The following MYO10 variants were observed in gnomAD, a reference collection of about 807,000 sequenced individuals.
MYO10 encodes the protein unconventional myosin-X.
Under a neutral mutation model 257.3 loss-of-function variants are expected in MYO10, and 133 were observed. The observed-to-expected ratio is 0.52, with a 90% CI of 0.45 to 0.60. The LOEUF is 0.60. Ranked by LOEUF, MYO10 falls within the 20% of genes least tolerant of loss-of-function variation. MYO10 has a pLI of 0.00. For synonymous variants in MYO10, 1,104 were observed against 1,028.6 expected, an observed-to-expected ratio of 1.07 and a Z score of -1.40; for missense variants, 2,399 against 2,635.7, an observed-to-expected ratio of 0.91 and a Z score of 1.97.
At chr5:16,695,487 T>C (rs1205507329) in intron 26 of MYO10, among the ~76,000 whole-genome samples, 4 of 150,870 alleles carry the variant, frequency 2.7e-5, no homozygotes, top group Non-Finnish European at 5.9e-5. Context: ...AAGAAAAGCA[T>C]CATCTGAAAA....
In MYO10 at chr5:16,789,516, C is replaced by T. The variant is rs56752830; in HGVS notation, c.467+5130G>A. ...TAGGATTCTGTTCTGGAAATACAGA[C>T]TTCACTCATGCCTGTAATCTTAGCA... On this transcript the variant is annotated intron_variant, in intron 4 of 40. Transcript: ENST00000513610. 1.1e-3 allele frequency among the ~76,000 whole-genome samples: 174 copies of T among 152,296 alleles called. 3 individuals are homozygous for T. The East Asian group carries it at 0.022, about 19-fold the overall frequency.
intron 3 of MYO10, among the ~76,000 whole-genome samples, chr5:16,807,041 GTTAT>G (rs1259054138): frequency 1.3e-5 from 2 of 152,184 alleles, no homozygotes; most frequent in Non-Finnish European, 2.9e-5. Flanking sequence ...GGGGAAATGG[GTTAT>G]TTAAAGTCTG....
At chr5:16,757,254 C>A (rs1740556174) in intron 18 of MYO10, among the ~76,000 whole-genome samples, 1 of 149,354 alleles carries the variant, frequency 6.7e-6, no homozygotes, top group African/African-American at 2.5e-5. Flanking sequence ...TACACCACTG[C>A]ACTCCAGTCT....
chr5:16,800,276 G>T (rs1003541917), intron 3 of MYO10, among the ~76,000 whole-genome samples: 1 of 152,006 alleles, frequency 6.6e-6, no homozygotes, highest in Non-Finnish European at 1.5e-5. Context: ...TTAAAATCCC[G>T]GCCAGCTACG....
rs35384200 is a variant in MYO10, at chr5:16,762,968, GAA to G, written c.1495-333_1495-332del. ...GACAGAGTGAGACTCCGTCTCAGGGGAAAAAAAAAAAAAAAAAAAAGTTGAAT... is the reference window on the plus strand; with the variant it reads ...GACAGAGTGAGACTCCGTCTCAGGGGAAAAAAAAAAAAAAAAAAGTTGAAT... On this transcript the variant is annotated intron_variant, in intron 14 of 40. Transcript: ENST00000513610. 9.4e-3 allele frequency among the ~76,000 whole-genome samples: 1,102 copies of G among 117,536 alleles called. 6 individuals are homozygous for G. The highest frequency in any genetic ancestry group is 0.02 in the South Asian group (74 of 3,646). 77.1% of individuals were successfully genotyped at this position (117,536 alleles called of 152,430 possible). A position where few individuals can be genotyped will look rare whatever the true frequency, so the allele number is the denominator to read the frequency against.
Position 16,682,138 on chromosome 5 carries a change from T to C in MYO10, c.4047-125A>G, listed in dbSNP as rs55698501. On this transcript the variant is annotated intron_variant, in intron 30 of 40. Coordinates refer to ENST00000513610, the MANE Select transcript of MYO10 (RefSeq NM_012334.3). Reference sequence around the variant, plus strand: ...TCACGGGATATACACTGCTAGGCTATCTGTGCTTTTATTAAGGCAAACGTT... The same window carrying C: ...TCACGGGATATACACTGCTAGGCTACCTGTGCTTTTATTAAGGCAAACGTT... The C allele has an allele frequency of 4.3e-3, 4,928 of 1,141,938 alleles. 19 individuals carry two copies. Among genetic ancestry groups the C allele is most frequent in the Non-Finnish European group, 5.4e-3 (4,465 of 827,038 alleles). The allele number at this position is 1,141,938 out of a possible 1,614,324, so 70.7% of individuals were successfully genotyped here. A position where few individuals can be genotyped will look rare whatever the true frequency, so the allele number is the denominator to read the frequency against.
At chr5:16,804,892 T>C (rs898651220) in intron 3 of MYO10, among the ~76,000 whole-genome samples, 1 of 151,876 alleles carries the variant, frequency 6.6e-6, no homozygotes, top group Admixed American at 6.6e-5. Flanking sequence ...GCCTGGGTAA[T>C]ACAGTGAGAC....
rs142190790 is a variant in MYO10, at chr5:16,846,635, A to C, written c.121-28468T>G. 9.2e-5 allele frequency among the ~76,000 whole-genome samples: 14 copies of C among 152,324 alleles called. No individual in the cohort carries two copies. The East Asian group carries it at 2.7e-3, about 29-fold the overall frequency. ...GCATGTTTGGTAGCAAAAGGTGGGA[A>C]AGGTCATCATCATCGTTGTGCAGGG... On this transcript the variant is annotated intron_variant, in intron 2 of 40. Transcript: ENST00000513610.
chr5:16,815,585 C>A, intron 3 of MYO10: 1 of 630,176 alleles, frequency 1.6e-6, no homozygotes, highest in African/African-American at 1.8e-5. Flanking sequence ...TACCAGGTGC[C>A]TGGCAGTGTC....
In MYO10 at chr5:16,794,908, G is replaced by A. The variant is rs1219775877; in HGVS notation, c.280-75C>T. ...TGGATGAGCTCCAACAAAACCCACC[G>A]AGTGTGCGCCAGGGGGAAAGACGTC... On this transcript the variant is annotated intron_variant, in intron 3 of 40. Coordinates refer to ENST00000513610, the MANE Select transcript of MYO10 (RefSeq NM_012334.3). 13 of 1,182,584 alleles carry A rather than the reference G, an allele frequency of 1.1e-5. No individual in the cohort carries two copies. The Middle Eastern group carries it at 1.0e-3, about 94-fold the overall frequency. The allele number at this position is 1,182,584 out of a possible 1,614,324, so 73.3% of individuals were successfully genotyped here. A position where few individuals can be genotyped will look rare whatever the true frequency, so the allele number is the denominator to read the frequency against.
chr5:16,778,891 C>T (rs539507962), intron 9 of MYO10, among the ~76,000 whole-genome samples: 9 of 152,028 alleles, frequency 5.9e-5, no homozygotes, highest in South Asian at 4.2e-4. Context: ...GGGGTTTCAC[C>T]GTGTTAGCCA....
intron 1 of MYO10, among the ~76,000 whole-genome samples, chr5:16,930,967 C>G (rs1746278739): frequency 6.6e-6 from 1 of 152,254 alleles, no homozygotes; most frequent in Admixed American, 6.5e-5. Flanking sequence ...ACTGTTGAAA[C>G]TCATGAATAA....
At chr5:16,867,166 C>G (rs995417112) in intron 2 of MYO10, among the ~76,000 whole-genome samples, 1 of 152,212 alleles carries the variant, frequency 6.6e-6, no homozygotes, top group African/African-American at 2.4e-5. Context: ...AAGATTTTTC[C>G]CTTGGCTCAG....
intron 4 of MYO10, among the ~76,000 whole-genome samples, chr5:16,787,609 TAAAA>T (rs70940401): frequency 0.47 from 57,975 of 124,662 alleles, 13,409 homozygotes; most frequent in Non-Finnish European, 0.52. Flanking sequence ...TGTTTTGCTT[TAAAA>T]AAAAAAAAAA....
intron 19 of MYO10, among the ~76,000 whole-genome samples, chr5:16,747,716 A>C (rs1441933907): frequency 6.6e-6 from 1 of 152,106 alleles, no homozygotes; most frequent in Non-Finnish European, 1.5e-5. Context: ...CAGGAGATTG[A>C]GACCAGTCTG....
intron 1 of MYO10, among the ~76,000 whole-genome samples, chr5:16,890,210 C>T (rs533347629): frequency 6.6e-6 from 1 of 151,768 alleles, no homozygotes; most frequent in Non-Finnish European, 1.5e-5. Flanking sequence ...AAAAGATAAC[C>T]TAGTCCAATC....
chr5:16,806,190 A>T (rs915364093), intron 3 of MYO10, among the ~76,000 whole-genome samples: 128 of 148,086 alleles, frequency 8.6e-4, no homozygotes, highest in Non-Finnish European at 4.5e-4. Context: ...ATTACAATTT[A>T]AAAAAAAAAA....
chr5:16,707,103 G>C (rs1198088636), intron 21 of MYO10, among the ~76,000 whole-genome samples: 1 of 152,184 alleles, frequency 6.6e-6, no homozygotes, highest in Non-Finnish European at 1.5e-5. Flanking sequence ...AAGGGGAGTT[G>C]CCCTGCACAT....
intron 19 of MYO10, among the ~76,000 whole-genome samples, chr5:16,738,916 A>G (rs113028406): frequency 0.037 from 5,537 of 148,056 alleles, 339 homozygotes; most frequent in African/African-American, 0.13. Context: ...AAAAAAGTAC[A>G]CAACTGTTCT....
Sources: allele counts gnomAD v4.1 joint callset (sites outside exome capture counted in the v4.1 genomes callset), GRCh38; gene constraint gnomAD v4.1.1; transcripts MANE v1.5; gene names NCBI Gene and HGNC (gene_info 2026-07-23, HGNC 2026-07-21).